The following GET3 variants were observed in gnomAD, a reference collection of about 807,000 sequenced individuals.
The protein encoded by GET3 is ATPase GET3.
GET3 carries 15 observed loss-of-function variants against 32.4 expected under a neutral mutation model. That is an observed-to-expected ratio of 0.46 (90% CI 0.31 to 0.71). GET3 has a LOEUF of 0.71. Among genes scored for constraint, GET3 ranks in the 30% least tolerant of loss-of-function variants. The pLI is 0.05. For missense variants in GET3, 333 were observed against 459.0 expected (o/e 0.73, Z 2.51); for synonymous variants, 198 against 185.6 (o/e 1.07, Z -0.54).
chr19:12,737,132 A>C (rs1228722879), upstream of GET3: 1 of 169,460 alleles, frequency 5.9e-6, no homozygotes, highest in Non-Finnish European at 1.3e-5. Flanking sequence ...AAGGGCATGG[A>C]CTGGGTGTTT....
intron 2 of GET3, among the ~76,000 whole-genome samples, chr19:12,742,231 C>CTTT (rs758340070): frequency 1.5e-5 from 2 of 133,852 alleles, no homozygotes; most frequent in African/African-American, 2.8e-5. Context: ...GAGATGGTAT[C>CTTT]TTTTTTTTTT....
At chr19:12,744,987 G>T (rs1967741710) in intron 2 of GET3, among the ~76,000 whole-genome samples, 1 of 152,074 alleles carries the variant, frequency 6.6e-6, no homozygotes, top group Non-Finnish European at 1.5e-5. Context: ...CTGTTACTTA[G>T]GGTGGTCAGG....
Position 12,747,022 on chromosome 19 carries a change from A to C in GET3, c.610-175A>C, listed in dbSNP as rs8100505. 6.6e-6 allele frequency among the ~76,000 whole-genome samples: 1 copy of C among 151,192 alleles called. No individual in the cohort carries two copies. Among genetic ancestry groups the C allele is most frequent in the Non-Finnish European group, 1.5e-5 (1 of 67,788 alleles). ...GAGACTCCATTTCAAAAAAAAAAAA[A>C]AAAGAAAGAAAGAAATGGAAAAGCT... On this transcript the variant is annotated intron_variant, in intron 4 of 6. Transcript: ENST00000357332. The surrounding 1 kb of genome is among the most constrained non-coding windows in gnomAD (Gnocchi z 4.0).
At chr19:12,739,375 A>G (rs8177473) in intron 2 of GET3, among the ~76,000 whole-genome samples, 4,096 of 152,208 alleles carry the variant, frequency 0.027, 180 homozygotes, top group African/African-American at 0.092. Flanking sequence ...CATATTGGCC[A>G]GGCTGGTCTC....
Position 12,747,245 on chromosome 19 carries a change from T to TC in GET3, c.660dup (p.Lys221GlnfsTer20). The TC allele has an allele frequency of 6.2e-7, 1 of 1,611,944 alleles. No homozygotes were observed. The highest frequency in any genetic ancestry group is 2.2e-5 in the East Asian group (1 of 44,818). On this transcript the variant is annotated frameshift_variant, in exon 5 of 7. Transcript: ENST00000357332. LOFTEE classifies it high-confidence loss of function. This position sits in a 1 kb window ranked among gnomAD's most constrained non-coding sequence, Gnocchi z 4.0. ...GGACATGAACGCAGACCAGCTGGCC[T>TC]CCAAGCTGGAGGAGACGCTGCCCGT...
In GET3 at chr19:12,747,049, G is replaced by C. The variant is rs1201260519; in HGVS notation, c.610-148G>C. 1.9e-6 allele frequency: 1 copy of C among 521,412 alleles called. No homozygotes were observed. The highest frequency in any genetic ancestry group is 3.2e-5 in the East Asian group (1 of 31,556). The allele number at this position is 521,412 out of a possible 1,614,324, so 32.3% of individuals were successfully genotyped here. On this transcript the variant is annotated intron_variant, in intron 4 of 6. Coordinates refer to ENST00000357332, the MANE Select transcript of GET3 (RefSeq NM_004317.4). The surrounding 1 kb of genome is among the most constrained non-coding windows in gnomAD (Gnocchi z 4.0). Reference sequence around the variant, plus strand: ...AAGAAAGAAAGAAATGGAAAAGCTAGTATTTGACCAACCCCAGGAATCTGC... The same window carrying C: ...AAGAAAGAAAGAAATGGAAAAGCTACTATTTGACCAACCCCAGGAATCTGC...
At position 12,745,270 on chromosome 19, in the gene GET3, C is replaced by T. The variant is rs1967748160; in HGVS notation, c.310-107C>T. On this transcript the variant is annotated intron_variant, in intron 2 of 6. Coordinates refer to ENST00000357332, the MANE Select transcript of GET3 (RefSeq NM_004317.4). This position sits in a 1 kb window ranked among gnomAD's most constrained non-coding sequence, Gnocchi z 5.0. ...TGTGGTCACAGCCCACCACAGGCTC[C>T]CTCTGGCCCTGTGCCCGGGTAGGAA... is the stretch of plus-strand genomic sequence containing the variant. The T allele has an allele frequency of 2.2e-6, 3 of 1,361,708 alleles. No homozygotes were observed. Among genetic ancestry groups the T allele is most frequent in the Non-Finnish European group, 3.0e-6 (3 of 995,152 alleles). 84.4% of individuals were successfully genotyped at this position (1,361,708 alleles called of 1,614,324 possible). A position where few individuals can be genotyped will look rare whatever the true frequency, so the allele number is the denominator to read the frequency against.
At chr19:12,744,666 G>C (rs1967736973) in intron 2 of GET3, among the ~76,000 whole-genome samples, 2 of 152,154 alleles carry the variant, frequency 1.3e-5, no homozygotes, top group Non-Finnish European at 2.9e-5. Flanking sequence ...CACTGTTCAT[G>C]CTAAGCGCTA....
intron 2 of GET3, among the ~76,000 whole-genome samples, chr19:12,742,925 G>A (rs1753171814): frequency 6.6e-6 from 1 of 152,216 alleles, no homozygotes. Context: ...CAAGGGGAAA[G>A]GGAGTGTTTG....
At chr19:12,746,455 A>G (rs764868172) in intron 4 of GET3, among the ~76,000 whole-genome samples, 10 of 152,170 alleles carry the variant, frequency 6.6e-5, no homozygotes, top group Non-Finnish European at 1.2e-4. Flanking sequence ...TATTACGATG[A>G]CAACCCTAAA....
At chr19:12,746,494 C>T (rs1967774256) in intron 4 of GET3, among the ~76,000 whole-genome samples, 1 of 152,216 alleles carries the variant, frequency 6.6e-6, no homozygotes, top group African/African-American at 2.4e-5. Flanking sequence ...ACCACCAGCA[C>T]CACCCACCAT....
At chr19:12,737,441 A>C, upstream of GET3, 22 of 1,393,724 alleles carry the variant, frequency 1.6e-5, no homozygotes, top group East Asian at 2.9e-5. Context: ...GGAATGTGAT[A>C]GAGAATTTCC....
At chr19:12,746,381 C>G (rs1342065610) in intron 4 of GET3, among the ~76,000 whole-genome samples, 5 of 152,188 alleles carry the variant, frequency 3.3e-5, no homozygotes, top group Admixed American at 3.3e-4. Context: ...AGTACACCCA[C>G]TTCGACCTCC....
At chr19:12,738,795 C>A in intron 2 of GET3, 137 bp downstream of exon 2, 2 of 1,191,510 alleles carry the variant, frequency 1.7e-6, no homozygotes, top group Non-Finnish European at 2.3e-6. Context: ...CCTCAACATA[C>A]TCACAAGGGA....
Position 12,748,143 on chromosome 19 carries a change from C to G in GET3, c.*39C>G. 1 of 1,541,046 alleles carries G rather than the reference C, an allele frequency of 6.5e-7. No homozygotes were observed. Among genetic ancestry groups the G allele is most frequent in the Non-Finnish European group, 8.8e-7 (1 of 1,136,466 alleles). On this transcript the variant is annotated 3_prime_UTR_variant, in exon 7 of 7. Coordinates refer to ENST00000357332, the MANE Select transcript of GET3 (RefSeq NM_004317.4). Reference sequence around the variant, plus strand: ...CCCAACCGCTGCCATTTCACACTCACCCTCCACCCTCCCCACCCCCTCGGG... The same window carrying G: ...CCCAACCGCTGCCATTTCACACTCAGCCTCCACCCTCCCCACCCCCTCGGG...
In GET3 at chr19:12,747,009, C is replaced by CAAA. The variant is rs764695800; in HGVS notation, c.610-174_610-172dup. Among the ~76,000 whole-genome samples the CAAA allele has an allele frequency of 9.2e-6, 1 of 108,618 alleles. No individual in the cohort carries two copies. Among genetic ancestry groups the CAAA allele is most frequent in the Non-Finnish European group, 1.8e-5 (1 of 54,132 alleles). The allele number at this position is 108,618 out of a possible 152,430, so 71.3% of individuals were successfully genotyped here. On this transcript the variant is annotated intron_variant, in intron 4 of 6. Transcript: ENST00000357332. This position sits in a 1 kb window ranked among gnomAD's most constrained non-coding sequence, Gnocchi z 4.0. ...TGGGCAACAGAGTGAGACTCCATTTCAAAAAAAAAAAAAAAAGAAAGAAAG... is the reference window on the plus strand; with the variant it reads ...TGGGCAACAGAGTGAGACTCCATTTCAAAAAAAAAAAAAAAAAAAGAAAGAAAG...
At chr19:12,737,831 G>A (rs1236076366) in intron 1 of GET3, among the ~76,000 whole-genome samples, 165 bp downstream of exon 1, 3 of 152,168 alleles carry the variant, frequency 2.0e-5, no homozygotes, top group African/African-American at 7.2e-5. Context: ...AGACCTCAAT[G>A]CAGCCCTAGC....
In GET3 at chr19:12,748,085, A is replaced by G; in HGVS notation, c.1028A>G (p.Lys343Arg). The change falls in exon 7 of 7, where the codon AAG becomes AGG. Residue 343 changes from lysine to arginine, a missense_variant. By Grantham distance (26) the Lys-to-Arg change is conservative (BLOSUM62 2). This residue lies in a region of GET3 where 39 missense variants were observed against 33.0 expected (regional missense o/e 1.18). Transcript: ENST00000357332. Reference protein sequence around the residue: ...TFSALLLEPYKPPSAQ With the variant: ...TFSALLLEPYRPPSAQ ...TCGGCCCTCCTCCTGGAGCCCTACA[A>G]GCCCCCCAGTGCCCAGTAGCACAGC... 6.2e-7 allele frequency: 1 copy of G among 1,604,516 alleles called. No homozygotes were observed. The highest frequency in any genetic ancestry group is 1.1e-5 in the South Asian group (1 of 90,154).
chr19:12,742,420 TTTTG>T (rs1412338137), intron 2 of GET3, among the ~76,000 whole-genome samples: 3 of 151,128 alleles, frequency 2.0e-5, no homozygotes, highest in South Asian at 4.2e-4. Context: ...GGGGGGTTTT[TTTTG>T]TTTGTTTTGA....
Sources: allele counts gnomAD v4.1 joint callset (sites outside exome capture counted in the v4.1 genomes callset), GRCh38; gene constraint gnomAD v4.1.1; regional missense constraint gnomAD v4.1.1; non-coding constraint Gnocchi (gnomAD v3.1); transcripts MANE v1.5; gene names NCBI Gene and HGNC (gene_info 2026-07-23, HGNC 2026-07-21).